The following HPX variants were observed in gnomAD, a reference collection of about 807,000 sequenced individuals.
The protein encoded by HPX is hemopexin, also known as beta-1B-glycoprotein.
HPX carries 42 observed loss-of-function variants against 53.8 expected under a neutral mutation model. That is an observed-to-expected ratio of 0.78 (90% CI 0.61 to 1.01). HPX has a LOEUF of 1.01. Among genes scored for constraint, HPX ranks in the 50% least tolerant of loss-of-function variants. HPX has a pLI of 0.00. For synonymous variants in HPX, 229 were observed against 221.1 expected (o/e 1.04, Z -0.32); for missense variants, 547 against 594.3 (o/e 0.92, Z 0.83).
Position 6,431,920 on chromosome 11 carries a change from G to A in HPX, c.933C>T (p.Ala311=). 1.2e-6 allele frequency: 2 copies of A among 1,614,176 alleles called. No homozygotes were observed. Among genetic ancestry groups the A allele is most frequent in the South Asian group, 2.2e-5 (2 of 91,072 alleles). The change falls in exon 8 of 10, where the codon GCC becomes GCT. Residue 311 remains alanine (A), a synonymous_variant. Coordinates refer to ENST00000265983, the MANE Select transcript of HPX (RefSeq NM_000613.3). ...WPQGPSAVDA[A]FSWEEKLYLV... ...GATAGAGTTTTTCTTCCCAGGAAAA[G>A]GCAGCATCCACTGCTGAAGGACCCT...
In HPX at chr11:6,437,570, G is replaced by A; in HGVS notation, c.573C>T (p.Ala191=). The stretch of plus-strand genomic sequence containing the variant: ...AGTAGTAGCGGCCCAGCCATCTCAG[G>A]GCAGAGGAGCAGTTCCCAACAGCTG... The part of the protein sequence containing the change: ...SWPAVGNCSS[A]LRWLGRYYCF... The change falls in exon 6 of 10, where the codon GCC becomes GCT. Residue 191 remains alanine (A), a synonymous_variant. Coordinates refer to ENST00000265983, the MANE Select transcript of HPX (RefSeq NM_000613.3). 2 of 1,614,216 alleles carry A rather than the reference G, an allele frequency of 1.2e-6. No individual in the cohort carries two copies. The highest frequency in any genetic ancestry group is 8.5e-7 in the Non-Finnish European group (1 of 1,180,024).
rs768978956 is a variant in HPX, at chr11:6,437,480, C to T, written c.663G>A (p.Pro221=). The change falls in exon 6 of 10, where the codon CCG becomes CCA. Residue 221 remains proline (P), a synonymous_variant. Coordinates refer to ENST00000265983, the MANE Select transcript of HPX (RefSeq NM_000613.3). ...PVRGEVPPRY[P]RDVRDYFMPC... ...GCATGAAGTAGTCTCGGACATCCCGCGGGTACCTGGGAGGCACCTCTCCCC... is the reference window on the plus strand; with the variant it reads ...GCATGAAGTAGTCTCGGACATCCCGTGGGTACCTGGGAGGCACCTCTCCCC... The T allele has an allele frequency of 1.2e-5, 19 of 1,614,094 alleles. No homozygotes were observed. The highest frequency in any genetic ancestry group is 3.3e-4 in the Middle Eastern group (2 of 6,010).
chr11:6,433,366 G>A (rs568709855), intron 7 of HPX, among the ~76,000 whole-genome samples: 41 of 152,252 alleles, frequency 2.7e-4, no homozygotes, highest in Non-Finnish European at 4.7e-4. Context: ...TAGTAGAGAC[G>A]AGGTTTCACC....
intron 4 of HPX, 67 bp from the exon 5 acceptor site, chr11:6,438,576 AT>A: frequency 2.1e-6 from 3 of 1,405,028 alleles, no homozygotes; most frequent in Non-Finnish European, 2.0e-6. Flanking sequence ...ATTTACACAC[AT>A]TTTTTATCTA....
Position 6,440,003 on chromosome 11 carries a change from T to C in HPX, c.336+162A>G, listed in dbSNP as rs1849462731. On this transcript the variant is annotated intron_variant, in intron 4 of 9. Coordinates refer to ENST00000265983, the MANE Select transcript of HPX (RefSeq NM_000613.3). ...GGTGCACCTGCCAGGCCCACACGCA[T>C]GCACACTCCCTTAGCCCAAGCTTTT... 5.8e-6 allele frequency: 5 copies of C among 863,636 alleles called. No individual in the cohort carries two copies. The Admixed American group carries it at 5.9e-5, about 10-fold the overall frequency. The allele number at this position is 863,636 out of a possible 1,614,324, so 53.5% of individuals were successfully genotyped here. A position where few individuals can be genotyped will look rare whatever the true frequency, so the allele number is the denominator to read the frequency against.
chr11:6,439,210 G>C (rs779685240), intron 4 of HPX, among the ~76,000 whole-genome samples: 6 of 152,232 alleles, frequency 3.9e-5, no homozygotes, highest in Non-Finnish European at 7.3e-5. Context: ...TGAGGAAGCA[G>C]TGTGCTCCAA....
At chr11:6,432,472 C>T (rs1849363237) in intron 7 of HPX, among the ~76,000 whole-genome samples, 1 of 152,160 alleles carries the variant, frequency 6.6e-6, no homozygotes, top group South Asian at 2.1e-4. Context: ...GGGCTAGCAC[C>T]CCGTTTTTCT....
At chr11:6,437,335 G>T in intron 6 of HPX, 105 bp downstream of exon 6, 2 of 1,369,076 alleles carry the variant, frequency 1.5e-6, no homozygotes, top group Middle Eastern at 2.5e-4. Flanking sequence ...TAAGGGCCAA[G>T]GTGTCGCAAC....
chr11:6,436,869 G>A (rs1564955482), intron 7 of HPX, among the ~76,000 whole-genome samples, 177 bp downstream of exon 7: 2 of 152,212 alleles, frequency 1.3e-5, no homozygotes, highest in East Asian at 1.9e-4. Flanking sequence ...GGCCGTGACA[G>A]ACAAGATTGA....
At chr11:6,432,122 C>T in intron 7 of HPX, 105 bp from the exon 8 acceptor site, 1 of 1,319,592 alleles carries the variant, frequency 7.6e-7, no homozygotes, top group Non-Finnish European at 1.1e-6. Flanking sequence ...AGAATGCATC[C>T]AGAGGCCAAG....
At position 6,440,519 on chromosome 11, in the gene HPX, C is replaced by T. The variant is rs143155427; in HGVS notation, c.162G>A (p.Trp54Ter). Residue 54 changes from tryptophan (W) to a stop codon, truncating the protein, a stop_gained, in exon 3 of 10, where the codon TGG becomes TGA. Transcript: ENST00000265983. LOFTEE classifies it high-confidence loss of function. ...PDVTERCSDG[W>*]SFDATTLDDN... ...CATCCAGGGTGGTAGCATCAAAGCT[C>T]CAGCCATCTGAGCAGCGTTCTGGGG... is the stretch of plus-strand genomic sequence containing the variant. The T allele has an allele frequency of 6.4e-7, 1 of 1,567,776 alleles. No individual in the cohort carries two copies. Among genetic ancestry groups the T allele is most frequent in the Non-Finnish European group, 8.6e-7 (1 of 1,158,322 alleles).
intron 7 of HPX, 133 bp from the exon 8 acceptor site, chr11:6,432,150 A>G: frequency 1.0e-6 from 1 of 965,312 alleles, no homozygotes. Flanking sequence ...AGGCCAGGTG[A>G]GAAGGAGAAA....
chr11:6,432,348 T>G (rs1038959893), intron 7 of HPX: 12 of 303,646 alleles, frequency 4.0e-5, no homozygotes, highest in African/African-American at 2.6e-4. Flanking sequence ...TTATAGATAA[T>G]GAAATACAGT....
intron 6 of HPX, 95 bp from the exon 7 acceptor site, chr11:6,437,272 G>C (rs1274948551): frequency 6.8e-7 from 1 of 1,474,322 alleles, no homozygotes; most frequent in Admixed American, 2.0e-5. Flanking sequence ...GTGGGGTGTG[G>C]GTTTCCCCAT....
Position 6,431,872 on chromosome 11 carries a change from TC to T in HPX, c.966+14del, listed in dbSNP as rs781434035. ...TGTCCCAGTCTCTACCTCAAGCCTC[TC>T]CCCCAATACACACCTGGACCAGATA... On this transcript the variant is annotated intron_variant, in intron 8 of 9. Transcript: ENST00000265983. The T allele has an allele frequency of 2.5e-6, 4 of 1,613,836 alleles. No individual in the cohort carries two copies. Among genetic ancestry groups the T allele is most frequent in the Non-Finnish European group, 2.5e-6 (3 of 1,180,000 alleles).
At chr11:6,440,807 G>A (rs901340655) in intron 1 of HPX, 74 bp downstream of exon 1, 17 of 1,591,420 alleles carry the variant, frequency 1.1e-5, no homozygotes, top group Admixed American at 5.0e-5. Context: ...AAATTTGACC[G>A]AGGCCTAAAA....
Position 6,431,394 on chromosome 11 carries a change from C to G in HPX, c.1206G>C (p.Lys402Asn). 1 of 1,614,260 alleles carries G rather than the reference C, an allele frequency of 6.2e-7. No homozygotes were observed. ...TTTCCATACACAAGGCTCCGTCTAC[C>G]TTCTCATGGGGCCAAGGAAGCTCTG... ...TWTELPWPHE[K>N]VDGALCMEKS... Residue 402 changes from lysine (K) to asparagine (N), a missense_variant, in exon 10 of 10, where the codon AAG becomes AAC. Coordinates refer to ENST00000265983, the MANE Select transcript of HPX (RefSeq NM_000613.3).
Position 6,440,690 on chromosome 11 carries a change from G to A in HPX, c.124C>T (p.Pro42Ser). 1 of 1,613,420 alleles carries A rather than the reference G, an allele frequency of 6.2e-7. No individual in the cohort carries two copies. Among genetic ancestry groups the A allele is most frequent in the East Asian group, 2.2e-5 (1 of 44,858 alleles). Residue 42 changes from proline to serine, a missense_variant, in exon 2 of 10, where the codon CCA (proline) becomes TCA (serine). Coordinates refer to ENST00000265983, the MANE Select transcript of HPX (RefSeq NM_000613.3). ...HGNVAEGETK[P>S]DPDVTERCSD... ...GCCTCACCAGTCACGTCTGGGTCTG[G>A]CTTGGTCTCGCCTTCAGCAACATTC...
intron 7 of HPX, among the ~76,000 whole-genome samples, chr11:6,435,427 T>C (rs1849403333): frequency 6.6e-6 from 1 of 151,930 alleles, no homozygotes; most frequent in Admixed American, 6.6e-5. Context: ...TATATATATA[T>C]ATGGGTTTTT....
Sources: allele counts gnomAD v4.1 joint callset (sites outside exome capture counted in the v4.1 genomes callset), GRCh38; gene constraint gnomAD v4.1.1; transcripts MANE v1.5; gene names NCBI Gene and HGNC (gene_info 2026-07-23, HGNC 2026-07-21).